The following MARCHF3 variants were observed in gnomAD, a reference collection of about 807,000 sequenced individuals.
MARCHF3 encodes membrane associated ring-CH-type finger 3, also known as E3 ubiquitin-protein ligase MARCHF3.
In MARCHF3, 13 loss-of-function variants were observed where a neutral mutation model predicts 24.2. The observed-to-expected ratio is 0.54, with a 90% CI of 0.35 to 0.85. The LOEUF is 0.85. Ranked by LOEUF, MARCHF3 falls within the 40% of genes least tolerant of loss-of-function variation. The probability of loss-of-function intolerance (pLI) is 0.01; values close to 1 mark genes in which losing one functional copy is unlikely to be tolerated. For missense variants in MARCHF3, 276 were observed against 325.0 expected (o/e 0.85, Z 1.16); for synonymous variants, 144 against 137.3 (o/e 1.05, Z -0.34).
chr5:126,955,180 C>T (rs886228321), intron 1 of MARCHF3, among the ~76,000 whole-genome samples: 2 of 152,106 alleles, frequency 1.3e-5, no homozygotes, highest in Non-Finnish European at 2.9e-5. Context: ...AGCAATGTTC[C>T]AAGAAATGTT....
chr5:126,885,431 G>A (rs979688273), intron 3 of MARCHF3, among the ~76,000 whole-genome samples: 2 of 152,108 alleles, frequency 1.3e-5, no homozygotes, highest in African/African-American at 4.8e-5. Flanking sequence ...TCCAGGCGTG[G>A]TGGTGCATGC....
intron 1 of MARCHF3, among the ~76,000 whole-genome samples, chr5:126,947,138 C>A (rs1325965862): frequency 6.6e-6 from 1 of 152,006 alleles, no homozygotes; most frequent in Non-Finnish European, 1.5e-5. Context: ...AAACAAGCAC[C>A]CCATGTTGAT....
intron 1 of MARCHF3, among the ~76,000 whole-genome samples, chr5:126,954,030 C>T (rs1580677117): frequency 6.6e-6 from 1 of 151,984 alleles, no homozygotes; most frequent in East Asian, 1.9e-4. Context: ...GTAACCTCTT[C>T]TAATTTTTAT....
At chr5:127,009,745 A>G (rs1162218885) in intron 1 of MARCHF3, among the ~76,000 whole-genome samples, 3 of 152,030 alleles carry the variant, frequency 2.0e-5, no homozygotes, top group Admixed American at 6.6e-5. Flanking sequence ...AAAGTATGAA[A>G]CCTATTGGTG....
At chr5:126,895,313 CAA>C (rs1376866130) in intron 3 of MARCHF3, among the ~76,000 whole-genome samples, 4 of 152,164 alleles carry the variant, frequency 2.6e-5, no homozygotes, top group Admixed American at 6.6e-5. Flanking sequence ...CTCAGCTCCT[CAA>C]AGTCATTCTC....
intron 3 of MARCHF3, among the ~76,000 whole-genome samples, chr5:126,882,246 G>GT (rs1263247056): frequency 6.6e-6 from 1 of 152,162 alleles, no homozygotes; most frequent in Non-Finnish European, 1.5e-5. Context: ...CGTGTGCAAG[G>GT]TTTTTTAACT....
At chr5:126,901,181 A>G (rs995840817) in intron 3 of MARCHF3, among the ~76,000 whole-genome samples, 10 of 152,138 alleles carry the variant, frequency 6.6e-5, no homozygotes, top group African/African-American at 1.9e-4. Context: ...TAAAGTGTAT[A>G]CAAGCACAAC....
chr5:126,895,166 C>T (rs1218486928), intron 3 of MARCHF3, among the ~76,000 whole-genome samples: 2 of 152,030 alleles, frequency 1.3e-5, no homozygotes, highest in Admixed American at 6.6e-5. Context: ...TCCATCAGCT[C>T]CTTTAAGCAC....
chr5:127,019,079 A>G (rs1353418263), intron 1 of MARCHF3, among the ~76,000 whole-genome samples: 2 of 152,236 alleles, frequency 1.3e-5, no homozygotes, highest in Non-Finnish European at 2.9e-5. Context: ...TTCATTCAGA[A>G]AAGATCATAC....
intron 3 of MARCHF3, among the ~76,000 whole-genome samples, chr5:126,910,326 TG>T (rs530281455): frequency 4.9e-4 from 75 of 152,236 alleles, no homozygotes; most frequent in Non-Finnish European, 8.8e-4. Flanking sequence ...GCATGCTATT[TG>T]CTTGTCGTAA....
At chr5:126,897,024 C>A (rs892377248) in intron 3 of MARCHF3, among the ~76,000 whole-genome samples, 10 of 137,476 alleles carry the variant, frequency 7.3e-5, no homozygotes, top group African/African-American at 2.7e-4. Flanking sequence ...TTGGTTCAAT[C>A]CAACTTTCTG....
intron 1 of MARCHF3, among the ~76,000 whole-genome samples, chr5:126,990,157 C>T (rs1433373612): frequency 6.8e-6 from 1 of 146,188 alleles, no homozygotes; most frequent in Non-Finnish European, 1.5e-5. Context: ...TACTACAAGG[C>T]TACAGTAACC....
Position 126,884,106 on chromosome 5 carries a change from C to T in MARCHF3, c.394-5712G>A, listed in dbSNP as rs147791354. ...CCCAACACATTCTACACTAAATTCTCGCTTATCTGGGGAGCTGGAATGTGA... is the reference window on the plus strand; with the variant it reads ...CCCAACACATTCTACACTAAATTCTTGCTTATCTGGGGAGCTGGAATGTGA... On this transcript the variant is annotated intron_variant, in intron 3 of 4. Coordinates refer to ENST00000308660, the MANE Select transcript of MARCHF3 (RefSeq NM_178450.5). Among the ~76,000 whole-genome samples the T allele has an allele frequency of 4.0e-4, 61 of 152,232 alleles. 1 individual carries two copies. Among genetic ancestry groups the T allele is most frequent in the African/African-American group, 1.4e-3 (58 of 41,520 alleles).
At chr5:126,923,483 C>T (rs1263912494) in intron 1 of MARCHF3, among the ~76,000 whole-genome samples, 1 of 152,190 alleles carries the variant, frequency 6.6e-6, no homozygotes, top group African/African-American at 2.4e-5. Flanking sequence ...TGAGTGCTGG[C>T]TGGCACTGAC....
chr5:126,901,577 A>G (rs750338119), intron 3 of MARCHF3, among the ~76,000 whole-genome samples: 6 of 152,142 alleles, frequency 3.9e-5, no homozygotes, highest in African/African-American at 9.7e-5. Flanking sequence ...ATTGTTCTCA[A>G]TATTTCACAC....
At chr5:126,957,444 C>T (rs768859325) in intron 1 of MARCHF3, among the ~76,000 whole-genome samples, 2 of 152,136 alleles carry the variant, frequency 1.3e-5, no homozygotes, top group Non-Finnish European at 2.9e-5. Flanking sequence ...GATAAATACT[C>T]ATCCTAGATT....
At chr5:126,977,364 ATAATCT>A (rs1396357925) in intron 1 of MARCHF3, among the ~76,000 whole-genome samples, 4 of 152,212 alleles carry the variant, frequency 2.6e-5, no homozygotes, top group African/African-American at 7.2e-5. Flanking sequence ...AATTTTTATA[ATAATCT>A]TAATCACTGG....
At chr5:126,898,197 A>G (rs1333554378) in intron 3 of MARCHF3, among the ~76,000 whole-genome samples, 1 of 152,140 alleles carries the variant, frequency 6.6e-6, no homozygotes, top group African/African-American at 2.4e-5. Flanking sequence ...GGTGAATTGT[A>G]TGGTATGGTA....
intron 1 of MARCHF3, among the ~76,000 whole-genome samples, chr5:126,986,706 C>T (rs56094173): frequency 0.051 from 7,827 of 152,236 alleles, 371 homozygotes; most frequent in South Asian, 0.13. Context: ...TATGCCTTTT[C>T]TCTTTTTTAA....
Sources: gnomAD v4.1 joint callset for allele counts (sites outside exome capture counted in the v4.1 genomes callset) on GRCh38, gnomAD v4.1.1 for gene constraint, MANE v1.5 for transcripts, NCBI Gene and HGNC (gene_info 2026-07-23, HGNC 2026-07-21) for gene names.